Variants in RUBCN observed in about 807,000 individuals in gnomAD.
RUBCN encodes the protein run domain Beclin-1-interacting and cysteine-rich domain-containing protein.
RUBCN carries 74 observed loss-of-function variants against 113.2 expected under a neutral mutation model. The observed-to-expected ratio is 0.65, with a 90% CI of 0.54 to 0.79. The LOEUF is 0.79. Ranked by LOEUF, RUBCN falls within the 30% of genes least tolerant of loss-of-function variation. The pLI is 0.00. For synonymous variants in RUBCN, 480 were observed against 490.0 expected, an observed-to-expected ratio of 0.98 and a Z score of 0.27; for missense variants, 1,109 against 1,251.7, an observed-to-expected ratio of 0.89 and a Z score of 1.72.
At chr3:197,712,438 C>A (rs1214365218) in intron 2 of RUBCN, among the ~76,000 whole-genome samples, 1 of 152,262 alleles carries the variant, frequency 6.6e-6, no homozygotes, top group East Asian at 1.9e-4. Flanking sequence ...CTCCTCCTGA[C>A]GAGGGCACAA....
intron 4 of RUBCN, among the ~76,000 whole-genome samples, 200 bp downstream of exon 4, chr3:197,704,342 G>A (rs1417278999): frequency 6.6e-6 from 1 of 152,190 alleles, no homozygotes; most frequent in Non-Finnish European, 1.5e-5. Context: ...GCTGAGCCGG[G>A]AGAATTGCTT....
Position 197,709,450 on chromosome 3 carries a change from G to A in RUBCN, c.220-4275C>T, listed in dbSNP as rs185007748. 2.2e-3 allele frequency among the ~76,000 whole-genome samples: 331 copies of A among 152,038 alleles called. 1 individual carries two copies. The highest frequency in any genetic ancestry group is 7.3e-3 in the African/African-American group (302 of 41,490). On this transcript the variant is annotated intron_variant, in intron 2 of 19. Coordinates refer to ENST00000296343, the MANE Select transcript of RUBCN (RefSeq NM_014687.4). Reference sequence around the variant, plus strand: ...AGCTGGAGTGCAATGGCGCGATCTCGGCTCACCGCAACCTCCACCTACCAG... The same window carrying A: ...AGCTGGAGTGCAATGGCGCGATCTCAGCTCACCGCAACCTCCACCTACCAG...
chr3:197,671,419 TGA>T lies in RUBCN; in HGVS notation c.*3597_*3598del, dbSNP rs1356350922. ...TTGTGTGCTAGTGGCAGAAAAGTAA[TGA>T]GAGATTTATTTTAGAGGAAAACATC... On this transcript the variant is annotated 3_prime_UTR_variant, in exon 20 of 20. Transcript: ENST00000296343. 3 of 152,196 alleles carry T rather than the reference TGA, an allele frequency of 2.0e-5. No individual in the cohort carries two copies. The highest frequency in any genetic ancestry group is 2.1e-4 in the South Asian group (1 of 4,838). The allele number at this position is 152,196 out of a possible 1,614,324, so 9.4% of individuals were successfully genotyped here. A position where few individuals can be genotyped will look rare whatever the true frequency, so the allele number is the denominator to read the frequency against.
intron 1 of RUBCN, among the ~76,000 whole-genome samples, chr3:197,731,201 G>C (rs569433207): frequency 2.4e-4 from 37 of 152,050 alleles, no homozygotes; most frequent in East Asian, 1.2e-3. Flanking sequence ...TGACTCTTAA[G>C]GAGCATGCTG....
In RUBCN at chr3:197,674,572, G is replaced by A. The variant is rs541997965; in HGVS notation, c.*446C>T. The stretch of plus-strand genomic sequence containing the variant: ...AGTCCAGGACAGGGAGAGGGAAAAC[G>A]CCATCCCCGTTTCAGCAGCAGGAGA... On this transcript the variant is annotated 3_prime_UTR_variant, in exon 20 of 20. Coordinates refer to ENST00000296343, the MANE Select transcript of RUBCN (RefSeq NM_014687.4). The A allele has an allele frequency of 1.6e-5, 8 of 507,260 alleles. No individual in the cohort carries two copies. The highest frequency in any genetic ancestry group is 2.8e-5 in the Non-Finnish European group (7 of 247,978). 31.4% of individuals were successfully genotyped at this position (507,260 alleles called of 1,614,324 possible).
At chr3:197,692,030 T>C (rs937585189) in intron 11 of RUBCN, among the ~76,000 whole-genome samples, 10 of 151,982 alleles carry the variant, frequency 6.6e-5, no homozygotes, top group South Asian at 2.1e-4. Flanking sequence ...GGCCCCTAGA[T>C]AGACAGCTTC....
At chr3:197,747,974 C>T (rs1728822906) in intron 1 of RUBCN, 1 of 151,708 alleles carries the variant, frequency 6.6e-6, no homozygotes. Context: ...CTGTGTCACC[C>T]AGGCTGGAGT....
At chr3:197,722,349 G>A (rs1726265005) in intron 1 of RUBCN, among the ~76,000 whole-genome samples, 1 of 152,084 alleles carries the variant, frequency 6.6e-6, no homozygotes. Flanking sequence ...CCTGGAGATG[G>A]TTCCATGTGC....
At chr3:197,690,447 T>C (rs1033209643) in intron 11 of RUBCN, among the ~76,000 whole-genome samples, 1 of 152,142 alleles carries the variant, frequency 6.6e-6, no homozygotes, top group Non-Finnish European at 1.5e-5. Context: ...TCAAAAAAAA[T>C]ACAAAAGTTC....
chr3:197,724,136 G>A (rs918239736), intron 1 of RUBCN, among the ~76,000 whole-genome samples: 8 of 152,098 alleles, frequency 5.3e-5, no homozygotes, highest in African/African-American at 1.9e-4. Flanking sequence ...TCTTCTGGGA[G>A]GATCTTGACC....
upstream of RUBCN, among the ~76,000 whole-genome samples, chr3:197,739,498 C>G (rs528196686): frequency 6.6e-6 from 1 of 151,096 alleles, no homozygotes; most frequent in Non-Finnish European, 1.5e-5. Flanking sequence ...TGGAGACTAT[C>G]CTGGCTGACA....
At chr3:197,676,525 C>G (rs1366019640) in intron 18 of RUBCN, 1 of 851,690 alleles carries the variant, frequency 1.2e-6, no homozygotes, top group Non-Finnish European at 1.5e-6. Context: ...GTTCGTCAGG[C>G]TGGTCTTGAA....
At chr3:197,701,641 C>T in intron 6 of RUBCN, 67 bp downstream of exon 6, 1 of 1,509,514 alleles carries the variant, frequency 6.6e-7, no homozygotes, top group Non-Finnish European at 9.2e-7. Flanking sequence ...CTATGAGCAA[C>T]CACAAAGTCT....
intron 1 of RUBCN, among the ~76,000 whole-genome samples, chr3:197,719,012 C>T (rs1232025624): frequency 6.6e-6 from 1 of 152,168 alleles, no homozygotes; most frequent in Non-Finnish European, 1.5e-5. Flanking sequence ...ATATCCTATG[C>T]CTCTTCCTCA....
At chr3:197,700,006 C>T (rs1228280287) in intron 7 of RUBCN, among the ~76,000 whole-genome samples, 1 of 152,078 alleles carries the variant, frequency 6.6e-6, no homozygotes, top group African/African-American at 2.4e-5. Flanking sequence ...GCAAGGAGCC[C>T]CACCTTCCCC....
At chr3:197,703,705 A>G in intron 4 of RUBCN, 51 bp from the exon 5 acceptor site, 3 of 1,204,258 alleles carry the variant, frequency 2.5e-6, no homozygotes, top group Non-Finnish European at 3.7e-6. Context: ...GGAGGCCTTG[A>G]GAGAAGCTTG....
Position 197,736,850 on chromosome 3 carries a change from G to A in RUBCN, c.-131C>T, listed in dbSNP as rs982049594. Reference sequence around the variant, plus strand: ...GGGCTCCGGGTGATGCGCTACACCCGGGCGGCGACAGCGGGAGGGACCGCC... The same window carrying A: ...GGGCTCCGGGTGATGCGCTACACCCAGGCGGCGACAGCGGGAGGGACCGCC... On this transcript the variant is annotated 5_prime_UTR_variant, in exon 1 of 20. Coordinates refer to ENST00000296343, the MANE Select transcript of RUBCN (RefSeq NM_014687.4). The A allele has an allele frequency of 7.9e-6, 11 of 1,385,944 alleles. No individual in the cohort carries two copies. Among genetic ancestry groups the A allele is most frequent in the Middle Eastern group, 2.6e-4 (1 of 3,778 alleles). The allele number at this position is 1,385,944 out of a possible 1,614,324, so 85.9% of individuals were successfully genotyped here.
chr3:197,709,644 T>C (rs1436432801), intron 2 of RUBCN, among the ~76,000 whole-genome samples: 1 of 152,000 alleles, frequency 6.6e-6, no homozygotes, highest in East Asian at 1.9e-4. Flanking sequence ...CCTCCCAAAG[T>C]GCTGGGATTA....
chr3:197,687,267 A>G (rs1721953118), intron 11 of RUBCN, among the ~76,000 whole-genome samples: 1 of 152,250 alleles, frequency 6.6e-6, no homozygotes, highest in African/African-American at 2.4e-5. Context: ...TTGTTTTATA[A>G]AGAGGAAAAA....
Sources: gnomAD v4.1 joint callset for allele counts (sites outside exome capture counted in the v4.1 genomes callset) on GRCh38, gnomAD v4.1.1 for gene constraint, MANE v1.5 for transcripts, NCBI Gene and HGNC (gene_info 2026-07-23, HGNC 2026-07-21) for gene names.